The following TMEM135 variants were observed in gnomAD, a reference collection of about 807,000 sequenced individuals.
The protein encoded by TMEM135 is peroxisomal membrane protein 52.
A neutral mutation model predicts 60.3 loss-of-function variants in TMEM135; 30 were observed. The ratio of observed to expected loss-of-function variants is 0.50; its 90% CI spans 0.37 to 0.68. The LOEUF (loss-of-function observed/expected upper bound fraction) is 0.68, where lower values mean the gene tolerates loss of function less well. Among genes scored for constraint, TMEM135 ranks in the 30% least tolerant of loss-of-function variants. The probability of loss-of-function intolerance (pLI) is 0.00; values close to 1 mark genes in which losing one functional copy is unlikely to be tolerated. For missense variants in TMEM135, 468 were observed against 548.8 expected (o/e 0.85, Z 1.47); for synonymous variants, 190 against 186.7 (o/e 1.02, Z -0.14).
rs564690305 is a variant in TMEM135, at chr11:87,071,506, C to T, written c.270-17C>T. The T allele has an allele frequency of 9.9e-6, 16 of 1,608,552 alleles. No homozygotes were observed. In the South Asian group the frequency reaches 1.8e-4, roughly 18 times the overall value. On this transcript the variant is annotated splice_polypyrimidine_tract_variant and intron_variant, in intron 2 of 14. Coordinates refer to ENST00000305494, the MANE Select transcript of TMEM135 (RefSeq NM_022918.4). ...CAACTAGGAATTTCATACAAAAATT[C>T]CAAATTTGAATTTCAGGAAGATACT...
At chr11:87,249,390 T>G (rs1941364673) in intron 6 of TMEM135, among the ~76,000 whole-genome samples, 1 of 152,006 alleles carries the variant, frequency 6.6e-6, no homozygotes, top group Admixed American at 6.6e-5. Flanking sequence ...ATGTATCACA[T>G]TGATTGATTT....
At chr11:87,093,422 G>A (rs938310917) in intron 4 of TMEM135, among the ~76,000 whole-genome samples, 16 of 152,096 alleles carry the variant, frequency 1.1e-4, no homozygotes, top group Admixed American at 2.0e-4. Context: ...TGTTGCCTAC[G>A]CTGGTCTCAG....
chr11:87,272,051 C>CTTTTTTTTTTTTTT (rs773654603), intron 6 of TMEM135, among the ~76,000 whole-genome samples: 2 of 81,132 alleles, frequency 2.5e-5, no homozygotes, highest in African/African-American at 7.9e-5. Flanking sequence ...TTTTTCTTTT[C>CTTTTTTTTTTTTTT]TTTTTTTTTT....
intron 5 of TMEM135, among the ~76,000 whole-genome samples, chr11:87,203,689 A>G (rs1283606836): frequency 6.6e-6 from 1 of 152,202 alleles, no homozygotes; most frequent in African/African-American, 2.4e-5. Context: ...GTTTTTGTGT[A>G]GACATAAGTT....
At chr11:87,133,619 A>C (rs1178462003) in intron 4 of TMEM135, among the ~76,000 whole-genome samples, 1 of 152,204 alleles carries the variant, frequency 6.6e-6, no homozygotes, top group Admixed American at 6.5e-5. Context: ...TATCAGTGAA[A>C]CTGTTACCAC....
At chr11:87,257,476 G>T (rs1328664036) in intron 6 of TMEM135, among the ~76,000 whole-genome samples, 1 of 152,004 alleles carries the variant, frequency 6.6e-6, no homozygotes, top group African/African-American at 2.4e-5. Flanking sequence ...TGTGACTTTG[G>T]GTAAGTTATG....
At chr11:87,105,846 C>T (rs139907259) in intron 4 of TMEM135, among the ~76,000 whole-genome samples, 1 of 152,224 alleles carries the variant, frequency 6.6e-6, no homozygotes, top group African/African-American at 2.4e-5. Context: ...TAGTCACTCA[C>T]CCTACTGTGC....
Position 87,295,797 on chromosome 11 carries a change from G to A in TMEM135, c.525G>A (p.Leu175=). 1 of 1,608,000 alleles carries A rather than the reference G, an allele frequency of 6.2e-7. No homozygotes were observed. Among genetic ancestry groups the A allele is most frequent in the Non-Finnish European group, 8.5e-7 (1 of 1,176,142 alleles). Residue 175 remains leucine (L), a synonymous_variant, in exon 7 of 15, where the codon TTG becomes TTA. Transcript: ENST00000305494. ...ATTGTTTTAGGTGCAAGGATGGCTTGAAAGGATTTACATTTTCTGCACTTA... is the reference window on the plus strand; with the variant it reads ...ATTGTTTTAGGTGCAAGGATGGCTTAAAAGGATTTACATTTTCTGCACTTA... ...YMFFFRCKDG[L]KGFTFSALRF... is the part of the protein sequence containing the mutation.
chr11:87,323,391 G>A lies in TMEM135; in HGVS notation c.*2058G>A, dbSNP rs553148265. 3.3e-4 allele frequency: 152 copies of A among 454,022 alleles called. No individual in the cohort carries two copies. Among genetic ancestry groups the A allele is most frequent in the African/African-American group, 2.8e-3 (141 of 50,112 alleles). 28.1% of individuals were successfully genotyped at this position (454,022 alleles called of 1,614,324 possible). A position where few individuals can be genotyped will look rare whatever the true frequency, so the allele number is the denominator to read the frequency against. On this transcript the variant is annotated 3_prime_UTR_variant, in exon 15 of 15. Coordinates refer to ENST00000305494, the MANE Select transcript of TMEM135 (RefSeq NM_022918.4). ...TCATTGGGACAGACTGCAAAGTGTA[G>A]TTGTTTGAGCAAACACAAAGAAACT...
intron 4 of TMEM135, among the ~76,000 whole-genome samples, chr11:87,097,204 T>C (rs1276163818): frequency 6.6e-6 from 1 of 151,962 alleles, no homozygotes; most frequent in Non-Finnish European, 1.5e-5. Flanking sequence ...ACCATGTTGG[T>C]CAGGCTGGTC....
At chr11:87,186,750 TTTTG>T (rs1445190045) in intron 5 of TMEM135, among the ~76,000 whole-genome samples, 1 of 152,206 alleles carries the variant, frequency 6.6e-6, no homozygotes, top group Admixed American at 6.5e-5. Flanking sequence ...AAAATTATGA[TTTTG>T]TTTGTGAAAC....
Position 87,040,489 on chromosome 11 carries a change from C to A in TMEM135, c.141+2303C>A, listed in dbSNP as rs1056013424. 5.9e-5 allele frequency among the ~76,000 whole-genome samples: 9 copies of A among 152,072 alleles called. No homozygotes were observed. In the East Asian group the frequency reaches 1.7e-3, roughly 29 times the overall value. On this transcript the variant is annotated intron_variant, in intron 1 of 14. Transcript: ENST00000305494. ...GCCAGCTTGACCAACATGGTGAAACCCCATCTCTACGAAAAATATAAAATT... is the reference window on the plus strand; with the variant it reads ...GCCAGCTTGACCAACATGGTGAAACACCATCTCTACGAAAAATATAAAATT...
At chr11:87,045,777 T>G (rs1167655624) in intron 1 of TMEM135, among the ~76,000 whole-genome samples, 1 of 152,230 alleles carries the variant, frequency 6.6e-6, no homozygotes, top group East Asian at 1.9e-4. Flanking sequence ...TATTTGCCAA[T>G]AAATATTGAT....
In TMEM135 at chr11:87,213,026, C is replaced by G. The variant is rs142578352; in HGVS notation, c.463-23612C>G. On this transcript the variant is annotated intron_variant, in intron 5 of 14. Transcript: ENST00000305494. ...ACTCATCTTTCTCTGGTCTCATGTT[C>G]ACAAGTAAATCTTGTGATTATAATC... Among the ~76,000 whole-genome samples the G allele has an allele frequency of 8.5e-3, 1,296 of 152,112 alleles. 13 individuals carry two copies. Among genetic ancestry groups the G allele is most frequent in the African/African-American group, 0.026 (1,098 of 41,474 alleles).
At chr11:87,194,517 A>G (rs1204761559) in intron 5 of TMEM135, among the ~76,000 whole-genome samples, 1 of 152,164 alleles carries the variant, frequency 6.6e-6, no homozygotes, top group East Asian at 1.9e-4. Flanking sequence ...CTTCTTAAAG[A>G]ATAATAATAC....
intron 7 of TMEM135, among the ~76,000 whole-genome samples, chr11:87,301,579 A>G (rs985923055): frequency 6.6e-5 from 10 of 151,926 alleles, no homozygotes; most frequent in Admixed American, 6.6e-4. Context: ...GTGTATTGTT[A>G]TTGATCCCGT....
chr11:87,091,988 A>G (rs1196103010), intron 4 of TMEM135, among the ~76,000 whole-genome samples: 2 of 152,146 alleles, frequency 1.3e-5, no homozygotes, highest in Non-Finnish European at 2.9e-5. Flanking sequence ...TTTACATTAA[A>G]ATCTTTTCAG....
At chr11:87,307,814 A>G (rs1175974512) in intron 9 of TMEM135, among the ~76,000 whole-genome samples, 1 of 152,178 alleles carries the variant, frequency 6.6e-6, no homozygotes, top group Non-Finnish European at 1.5e-5. Context: ...ATCCCTGAAT[A>G]AATACTCATA....
rs556278809 is a variant in TMEM135 at position 87,305,646 on chromosome 11, C to T, written c.699-290C>T. ...AAAATTAGCTGGGCGTGGTGGCAGG[C>T]GCCTGTAATCCCAGCTACTCGGGAG... On this transcript the variant is annotated intron_variant, in intron 8 of 14. Transcript: ENST00000305494. Among the ~76,000 whole-genome samples, 13 of 152,024 alleles carry T rather than the reference C, an allele frequency of 8.6e-5. No homozygotes were observed. In the South Asian group the frequency reaches 1.7e-3, roughly 19 times the overall value.
Sources: allele counts gnomAD v4.1 joint callset (sites outside exome capture counted in the v4.1 genomes callset), GRCh38; gene constraint gnomAD v4.1.1; transcripts MANE v1.5; gene names NCBI Gene and HGNC (gene_info 2026-07-23, HGNC 2026-07-21).